The following EPB41L4B variants were observed in gnomAD, a reference collection of about 807,000 sequenced individuals.
The protein encoded by EPB41L4B is band 4.1-like protein 4B.
Under a neutral mutation model 112.5 loss-of-function variants are expected in EPB41L4B, and 30 were observed. The ratio of observed to expected loss-of-function variants is 0.27; its 90% CI spans 0.20 to 0.36. The LOEUF (loss-of-function observed/expected upper bound fraction) is 0.36, where lower values mean the gene tolerates loss of function less well. EPB41L4B is among the 10% of genes least tolerant of loss of function. EPB41L4B has a pLI of 1.00. For synonymous variants in EPB41L4B, 408 were observed against 439.7 expected (o/e 0.93, Z 0.90); for missense variants, 1,024 against 1,133.3 (o/e 0.90, Z 1.38).
intron 21 of EPB41L4B, 113 bp from the exon 22 acceptor site, chr9:109,192,468 C>T (rs1326766900): frequency 1.5e-6 from 1 of 649,034 alleles, no homozygotes; most frequent in Non-Finnish European, 2.5e-6. Flanking sequence ...ATCTCATTAG[C>T]AATGACAATC....
intron 16 of EPB41L4B, among the ~76,000 whole-genome samples, chr9:109,215,830 A>G (rs190133082): frequency 9.2e-5 from 14 of 152,352 alleles, no homozygotes; most frequent in African/African-American, 3.4e-4. Context: ...TCATATTGCT[A>G]ACAATATTTC....
intron 6 of EPB41L4B, among the ~76,000 whole-genome samples, chr9:109,260,410 CTTTTT>C (rs35040371): frequency 2.0e-5 from 2 of 102,500 alleles, no homozygotes; most frequent in Admixed American, 1.2e-4. Context: ...TCAATTGTAT[CTTTTT>C]TTTTTTTTTT....
At chr9:109,244,706 C>T (rs1834485056) in intron 14 of EPB41L4B, among the ~76,000 whole-genome samples, 1 of 152,142 alleles carries the variant, frequency 6.6e-6, no homozygotes, top group South Asian at 2.1e-4. Context: ...CCTGCCTTTC[C>T]ACTTCTGGCC....
chr9:109,191,616 A>C (rs1265278105), intron 22 of EPB41L4B, among the ~76,000 whole-genome samples: 1 of 152,200 alleles, frequency 6.6e-6, no homozygotes, highest in East Asian at 1.9e-4. Context: ...CAAACAAAGA[A>C]AAGACCATTT....
At position 109,191,704 on chromosome 9, in the gene EPB41L4B, A is replaced by T. The variant is rs149890466; in HGVS notation, c.2301+574T>A. On this transcript the variant is annotated intron_variant, in intron 22 of 25. Transcript: ENST00000374566. Reference sequence around the variant, plus strand: ...AAGGGAATCTCATCACTCTTGTCAAAGCCACCATGTTTTTTTTTTGGAAAT... The same window carrying T: ...AAGGGAATCTCATCACTCTTGTCAATGCCACCATGTTTTTTTTTTGGAAAT... 3.9e-5 allele frequency among the ~76,000 whole-genome samples: 6 copies of T among 152,306 alleles called. No homozygotes were observed. The East Asian group carries it at 1.2e-3, about 29-fold the overall frequency.
chr9:109,176,453 A>G (rs1162276699), intron 25 of EPB41L4B, 98 bp downstream of exon 25: 8 of 1,300,460 alleles, frequency 6.2e-6, no homozygotes, highest in Non-Finnish European at 1.0e-6. Flanking sequence ...GAAAGAATGT[A>G]GGAAAGGCCT....
intron 20 of EPB41L4B, 119 bp from the exon 21 acceptor site, chr9:109,194,516 C>G: frequency 2.8e-6 from 3 of 1,060,716 alleles, no homozygotes; most frequent in African/African-American, 1.6e-5. Context: ...GGTTCCCAAA[C>G]AGATGTCCAC....
chr9:109,253,005 T>C, intron 12 of EPB41L4B, among the ~76,000 whole-genome samples: 1 of 152,146 alleles, frequency 6.6e-6, no homozygotes, highest in East Asian at 1.9e-4. Context: ...CTGTGGGACT[T>C]GAGCCGAATA....
At chr9:109,299,835 T>C (rs1367066319) in intron 1 of EPB41L4B, among the ~76,000 whole-genome samples, 7 of 152,184 alleles carry the variant, frequency 4.6e-5, no homozygotes, top group Admixed American at 4.6e-4. Context: ...CTGAAGTTCA[T>C]ACACATGGAA....
chr9:109,319,449 C>A (rs1837758151), intron 1 of EPB41L4B, among the ~76,000 whole-genome samples: 1 of 152,194 alleles, frequency 6.6e-6, no homozygotes, highest in African/African-American at 2.4e-5. Flanking sequence ...AAGGGCTCTG[C>A]CGGTGCAAGG....
intron 1 of EPB41L4B, among the ~76,000 whole-genome samples, chr9:109,304,951 A>G (rs1268953433): frequency 6.6e-6 from 1 of 152,172 alleles, no homozygotes; most frequent in Admixed American, 6.5e-5. Flanking sequence ...TTCCAGAGCC[A>G]GATAGTAATG....
intron 19 of EPB41L4B, among the ~76,000 whole-genome samples, chr9:109,201,186 C>T (rs1480040293): frequency 6.6e-6 from 1 of 152,094 alleles, no homozygotes; most frequent in Admixed American, 6.5e-5. Flanking sequence ...TGCAGTGGCT[C>T]ACGCCTGTAA....
In EPB41L4B at chr9:109,174,073, G is replaced by C. The variant is rs1010124307; in HGVS notation, c.*481C>G. The stretch of plus-strand genomic sequence containing the variant: ...TACTCACATCTGAATACAAATGAAT[G>C]TTAAAGACTTTATAAGATCTGTGTA... On this transcript the variant is annotated 3_prime_UTR_variant, in exon 26 of 26. Transcript: ENST00000374566. The C allele has an allele frequency of 6.5e-6, 1 of 153,718 alleles. No homozygotes were observed. Among genetic ancestry groups the C allele is most frequent in the Non-Finnish European group, 1.5e-5 (1 of 68,748 alleles). 9.5% of individuals were successfully genotyped at this position (153,718 alleles called of 1,614,324 possible).
chr9:109,259,341 C>T (rs146294987), intron 6 of EPB41L4B, among the ~76,000 whole-genome samples: 32 of 152,316 alleles, frequency 2.1e-4, no homozygotes, highest in African/African-American at 7.5e-4. Flanking sequence ...CACTGGGCCC[C>T]GCCCCCAGAG....
At chr9:109,261,476 G>A (rs1455380896) in intron 6 of EPB41L4B, among the ~76,000 whole-genome samples, 2 of 152,028 alleles carry the variant, frequency 1.3e-5, no homozygotes, top group Admixed American at 6.6e-5. Context: ...TGGGAGGATC[G>A]CTTGAGGCCA....
In EPB41L4B at chr9:109,235,693, C is replaced by T. The variant is rs946802282; in HGVS notation, c.1409+7925G>A. ...GATTACAGGTATGATTCACCACGCC[C>T]GGCCTTGAGCTATTTTGAATCTCTT... is the stretch of plus-strand genomic sequence containing the variant. On this transcript the variant is annotated intron_variant, in intron 15 of 25. Coordinates refer to ENST00000374566, the MANE Select transcript of EPB41L4B (RefSeq NM_019114.5). Among the ~76,000 whole-genome samples the T allele has an allele frequency of 5.1e-4, 78 of 152,280 alleles. 1 individual carries two copies. Among genetic ancestry groups the T allele is most frequent in the Non-Finnish European group, 3.1e-4 (21 of 68,008 alleles).
intron 2 of EPB41L4B, among the ~76,000 whole-genome samples, chr9:109,272,845 G>T (rs1835673923): frequency 6.6e-6 from 1 of 152,132 alleles, no homozygotes; most frequent in Non-Finnish European, 1.5e-5. Flanking sequence ...GAGAAGGAAG[G>T]GGATGAATGC....
intron 23 of EPB41L4B, 150 bp downstream of exon 23, chr9:109,185,339 C>T (rs891326604): frequency 9.3e-6 from 6 of 643,296 alleles, no homozygotes; most frequent in Non-Finnish European, 1.6e-5. Context: ...GACTCCAAAT[C>T]CTCCATCCAT....
Position 109,194,312 on chromosome 9 carries a change from G to C in EPB41L4B, c.2131C>G (p.Gln711Glu). ...GGGGACGGCAGCGGCACGGAGACTT[G>C]TGTGGCGGCCGTTGTGGTGTTTGTG... ...TTTNTTTAAT[Q>E]VSVPLPSPKV... The change falls in exon 21 of 26, where the codon CAA becomes GAA. Residue 711 changes from glutamine to glutamate, a missense_variant. Coordinates refer to ENST00000374566, the MANE Select transcript of EPB41L4B (RefSeq NM_019114.5). The C allele has an allele frequency of 6.2e-7, 1 of 1,614,196 alleles. No homozygotes were observed. Among genetic ancestry groups the C allele is most frequent in the Non-Finnish European group, 8.5e-7 (1 of 1,180,036 alleles).
Sources: gnomAD v4.1 joint callset for allele counts (sites outside exome capture counted in the v4.1 genomes callset) on GRCh38, gnomAD v4.1.1 for gene constraint, MANE v1.5 for transcripts, NCBI Gene and HGNC (gene_info 2026-07-23, HGNC 2026-07-21) for gene names.